RAD54B: variants seen among roughly 807,000 people sequenced by gnomAD.
The protein encoded by RAD54B is DNA repair and recombination protein RAD54B.
A neutral mutation model predicts 95.8 loss-of-function variants in RAD54B; 78 were observed. The ratio of observed to expected loss-of-function variants is 0.81; its 90% CI spans 0.68 to 0.98. The LOEUF is 0.98. RAD54B is among the 50% of genes least tolerant of loss of function. The probability of loss-of-function intolerance (pLI) is 0.00; values close to 1 mark genes in which losing one functional copy is unlikely to be tolerated. For missense variants in RAD54B, 957 were observed against 1,056.6 expected (o/e 0.91, Z 1.31); for synonymous variants, 328 against 354.9 (o/e 0.92, Z 0.85).
At chr8:94,376,486 G>C (rs1810574661) in intron 14 of RAD54B, among the ~76,000 whole-genome samples, 1 of 151,238 alleles carries the variant, frequency 6.6e-6, no homozygotes, top group Non-Finnish European at 1.5e-5. Flanking sequence ...AAGAACATTA[G>C]AGTAAATACA....
chr8:94,420,251 A>ATTTT (rs57897762), intron 3 of RAD54B, among the ~76,000 whole-genome samples: 4 of 117,006 alleles, frequency 3.4e-5, no homozygotes, highest in South Asian at 3.1e-4. Flanking sequence ...AGAAAACTTG[A>ATTTT]TTTTTTTTTT....
intron 3 of RAD54B, among the ~76,000 whole-genome samples, chr8:94,457,327 T>C (rs2043988): frequency 0.25 from 38,038 of 152,090 alleles, 5,719 homozygotes; most frequent in East Asian, 0.43. Context: ...CCTAGGGATC[T>C]TCCTATACTG....
At chr8:94,410,759 T>G (rs997734491) in intron 4 of RAD54B, among the ~76,000 whole-genome samples, 1 of 152,174 alleles carries the variant, frequency 6.6e-6, no homozygotes, top group African/African-American at 2.4e-5. Context: ...GATATCAACA[T>G]ATTTTTCAAT....
At chr8:94,384,669 T>A (rs1810827594) in intron 11 of RAD54B, among the ~76,000 whole-genome samples, 1 of 152,242 alleles carries the variant, frequency 6.6e-6, no homozygotes, top group South Asian at 2.1e-4. Context: ...CTCTATGTTA[T>A]GTCTATATTA....
chr8:94,436,890 G>A (rs1164268993), intron 3 of RAD54B: 5 of 1,491,100 alleles, frequency 3.4e-6, no homozygotes, highest in Non-Finnish European at 4.5e-6. Flanking sequence ...AATTAAGTAG[G>A]CAGTTTCTGA....
intron 3 of RAD54B, among the ~76,000 whole-genome samples, chr8:94,423,324 G>A (rs946545637): frequency 6.6e-6 from 1 of 152,192 alleles, no homozygotes; most frequent in Non-Finnish European, 1.5e-5. Flanking sequence ...CGGAGTTGCA[G>A]TGAGCCAAGA....
At chr8:94,400,508 T>C (rs977826384) in intron 6 of RAD54B, 45 bp from the exon 7 acceptor site, 59 of 1,451,960 alleles carry the variant, frequency 4.1e-5, no homozygotes, top group Non-Finnish European at 5.2e-5. Flanking sequence ...TAGAAAAATA[T>C]TTTATGCTCT....
At chr8:94,422,647 T>G (rs1290500591) in intron 3 of RAD54B, among the ~76,000 whole-genome samples, 10 of 98,860 alleles carry the variant, frequency 1.0e-4, no homozygotes, top group African/African-American at 4.0e-4. Flanking sequence ...TATATATATA[T>G]ATATATAAAA....
intron 3 of RAD54B, among the ~76,000 whole-genome samples, chr8:94,421,492 T>A (rs143264449): frequency 6.6e-6 from 1 of 152,156 alleles, no homozygotes; most frequent in South Asian, 2.1e-4. Flanking sequence ...ACTAAAAACC[T>A]TTTTTTCTCT....
intron 14 of RAD54B, among the ~76,000 whole-genome samples, chr8:94,377,563 AAAAAAAAAAAAAAAAAAAC>A (rs1563633291): frequency 1.2e-5 from 1 of 83,330 alleles, no homozygotes; most frequent in Admixed American, 1.5e-4. Context: ...AAAAAAAAAA[AAAAAAAAAAAAAAAAAAAC>A]TCTAACTCCA....
In RAD54B at chr8:94,391,891, C is replaced by G. The variant is rs1289961970; in HGVS notation, c.1527G>C (p.Lys509Asn). The G allele has an allele frequency of 6.3e-7, 1 of 1,596,702 alleles. No homozygotes were observed. ...CAGCTGCTCTTCTTTCTCCTAACTC[C>G]TTTTCTTCCTATGGAAAAATAGCAG... ...SREPSASEEE[K>N]ELGERRAAEL... Residue 509 changes from lysine to asparagine, a missense_variant, in exon 10 of 15, where the codon AAG (lysine) becomes AAC (asparagine). Coordinates refer to ENST00000336148, the MANE Select transcript of RAD54B (RefSeq NM_012415.3).
intron 14 of RAD54B, 139 bp from the exon 15 acceptor site, chr8:94,372,526 C>A (rs1586111208): frequency 1.4e-6 from 2 of 1,410,414 alleles, no homozygotes; most frequent in East Asian, 5.0e-5. Flanking sequence ...CAAATTCATT[C>A]TTTTTACAAA....
chr8:94,462,300 T>C lies in RAD54B; in HGVS notation c.136-3864A>G, dbSNP rs1812925589. Among the ~76,000 whole-genome samples the C allele has an allele frequency of 2.0e-5, 3 of 152,188 alleles. No individual in the cohort carries two copies. In the South Asian group the frequency reaches 6.2e-4, roughly 32 times the overall value. ...TTTTAAGTATGTTGTGAGGAGATAC[T>C]TGAATATATTCAAATATCCTATTTC... On this transcript the variant is annotated intron_variant, in intron 2 of 14. Transcript: ENST00000336148.
intron 3 of RAD54B, among the ~76,000 whole-genome samples, chr8:94,451,313 C>G (rs1396675614): frequency 1.3e-5 from 2 of 152,078 alleles, no homozygotes; most frequent in East Asian, 3.8e-4. Flanking sequence ...ATCTGAGCAT[C>G]ATAATAAATG....
intron 1 of RAD54B, chr8:94,468,132 G>C (rs749264190): frequency 1.3e-5 from 2 of 152,052 alleles, no homozygotes; most frequent in African/African-American, 2.4e-5. Context: ...TCTATGACTC[G>C]CAAGCCCCCA....
intron 3 of RAD54B, among the ~76,000 whole-genome samples, chr8:94,453,469 C>A (rs1160112452): frequency 6.6e-6 from 1 of 152,058 alleles, no homozygotes; most frequent in Non-Finnish European, 1.5e-5. Context: ...GCAGAGGTTG[C>A]AGTGAGCCGA....
chr8:94,409,378 CTT>C (rs910847332), intron 4 of RAD54B, among the ~76,000 whole-genome samples: 5 of 144,166 alleles, frequency 3.5e-5, no homozygotes, highest in Admixed American at 7.0e-5. Flanking sequence ...CTTTTTCTTT[CTT>C]TTTTTTTTTT....
chr8:94,378,770 G>A (rs1810663129), intron 12 of RAD54B, 136 bp from the exon 13 acceptor site: 3 of 622,090 alleles, frequency 4.8e-6, no homozygotes. Flanking sequence ...AATCTCAGGT[G>A]TGTGAAGCAT....
At chr8:94,466,424 G>GA (rs1813025996) in intron 2 of RAD54B, among the ~76,000 whole-genome samples, 1 of 150,404 alleles carries the variant, frequency 6.6e-6, no homozygotes, top group African/African-American at 2.4e-5. Context: ...TTTTTTTTGG[G>GA]GGGGACGGAG....
Sources: allele counts gnomAD v4.1 joint callset (sites outside exome capture counted in the v4.1 genomes callset), GRCh38; gene constraint gnomAD v4.1.1; transcripts MANE v1.5; gene names NCBI Gene and HGNC (gene_info 2026-07-23, HGNC 2026-07-21).